The following PDE4B variants were observed in gnomAD, a reference collection of about 807,000 sequenced individuals.
The protein encoded by PDE4B is 3',5'-cyclic-AMP phosphodiesterase 4B.
Under a neutral mutation model 82.2 loss-of-function variants are expected in PDE4B, and 20 were observed. The ratio of observed to expected loss-of-function variants is 0.24; its 90% CI spans 0.17 to 0.35. PDE4B has a LOEUF of 0.35. Among genes scored for constraint, PDE4B ranks in the 10% least tolerant of loss-of-function variants. PDE4B has a pLI of 1.00. For synonymous variants in PDE4B, 320 were observed against 318.9 expected (o/e 1.00, Z -0.04); for missense variants, 655 against 907.2 (o/e 0.72, Z 3.57).
intron 7 of PDE4B, among the ~76,000 whole-genome samples, chr1:66,311,616 C>T (rs1658676755): frequency 6.6e-6 from 1 of 152,230 alleles, no homozygotes; most frequent in East Asian, 1.9e-4. Context: ...ACTGACCTAC[C>T]TCTCCGAGTG....
At position 66,096,508 on chromosome 1, in the gene PDE4B, T is replaced by TCATACA. The variant is rs59931848; in HGVS notation, c.282-150952_282-150951insCATACA. ...TTAAATGCGGTATAAGTAAAAAAAA[T>TCATACA]TATATATATATATATATATATATAT... On this transcript the variant is annotated intron_variant, in intron 3 of 16. Transcript: ENST00000341517. Among the ~76,000 whole-genome samples, 472 of 107,318 alleles carry TCATACA rather than the reference T, an allele frequency of 4.4e-3. 8 individuals are homozygous for TCATACA. The highest frequency in any genetic ancestry group is 0.015 in the African/African-American group (448 of 29,642). The allele number at this position is 107,318 out of a possible 152,430, so 70.4% of individuals were successfully genotyped here.
chr1:65,822,295 TATTAAG>T (rs1258504968), intron 1 of PDE4B, among the ~76,000 whole-genome samples: 1 of 152,220 alleles, frequency 6.6e-6, no homozygotes, highest in African/African-American at 2.4e-5. Flanking sequence ...CGTGAATGGA[TATTAAG>T]ATTGTTTTCG....
At chr1:65,976,907 A>G (rs1398982436) in intron 3 of PDE4B, among the ~76,000 whole-genome samples, 3 of 152,198 alleles carry the variant, frequency 2.0e-5, no homozygotes, top group Non-Finnish European at 4.4e-5. Context: ...TCTTTATAGC[A>G]GTGTGAGAAT....
At chr1:66,322,893 A>T (rs1294483960) in intron 7 of PDE4B, among the ~76,000 whole-genome samples, 1 of 152,104 alleles carries the variant, frequency 6.6e-6, no homozygotes, top group Non-Finnish European at 1.5e-5. Context: ...CATTTTAGAG[A>T]TGAGGAAATT....
intron 7 of PDE4B, among the ~76,000 whole-genome samples, chr1:66,270,407 C>A (rs1557670442): frequency 6.6e-6 from 1 of 152,138 alleles, no homozygotes; most frequent in Admixed American, 6.5e-5. Context: ...GTGGGTGTAC[C>A]AGATGCAGGG....
At chr1:65,887,411 TCTG>T (rs1557799489) in intron 1 of PDE4B, among the ~76,000 whole-genome samples, 2 of 53,510 alleles carry the variant, frequency 3.7e-5, no homozygotes, top group Non-Finnish European at 6.4e-5. Context: ...TTCTTTTTCT[TCTG>T]TTTTTTTTTT....
chr1:65,837,555 T>A (rs1231297051), intron 1 of PDE4B, among the ~76,000 whole-genome samples: 2 of 152,092 alleles, frequency 1.3e-5, no homozygotes, highest in East Asian at 1.9e-4. Context: ...TTGCCGTGAG[T>A]CTGGATCATG....
chr1:66,181,994 G>A (rs492776), intron 3 of PDE4B, among the ~76,000 whole-genome samples: 1 of 150,974 alleles, frequency 6.6e-6, no homozygotes, highest in African/African-American at 2.5e-5. Flanking sequence ...TATTTTTTTT[G>A]ATTTCAATAT....
In PDE4B at chr1:66,367,805, C is replaced by T; in HGVS notation, c.1494C>T (p.Leu498=). The T allele has an allele frequency of 6.2e-7, 1 of 1,613,894 alleles. No individual in the cohort carries two copies. The highest frequency in any genetic ancestry group is 8.5e-7 in the Non-Finnish European group (1 of 1,179,848). ...QEEHCDIFMN[L]TKKQRQTLRK... The stretch of plus-strand genomic sequence containing the variant: ...AACACTGTGACATCTTCATGAATCT[C>T]ACCAAGAAGCAGCGTCAGACACTCA... Residue 498 remains leucine (L), a synonymous_variant, in exon 14 of 17, where the codon CTC becomes CTT. Coordinates refer to ENST00000341517, the MANE Select transcript of PDE4B (RefSeq NM_002600.4).
At chr1:66,081,830 CTCTG>C (rs1256365049) in intron 3 of PDE4B, among the ~76,000 whole-genome samples, 31 of 112,704 alleles carry the variant, frequency 2.8e-4, no homozygotes, top group African/African-American at 7.7e-4. Flanking sequence ...CTCTCTCTCT[CTCTG>C]TGTGTGTGTG....
At chr1:65,964,776 T>G (rs1190079999) in intron 3 of PDE4B, among the ~76,000 whole-genome samples, 1 of 152,150 alleles carries the variant, frequency 6.6e-6, no homozygotes, top group African/African-American at 2.4e-5. Context: ...CAGAATATAT[T>G]GCTAAGTGGT....
At chr1:66,148,509 G>A (rs11590970) in intron 3 of PDE4B, among the ~76,000 whole-genome samples, 1,690 of 152,096 alleles carry the variant, frequency 0.011, 13 homozygotes, top group Non-Finnish European at 0.017. Context: ...AATTTGCAAA[G>A]CATAAAATTT....
At chr1:66,151,637 G>A (rs1415745355) in intron 3 of PDE4B, among the ~76,000 whole-genome samples, 1 of 152,130 alleles carries the variant, frequency 6.6e-6, no homozygotes, top group Non-Finnish European at 1.5e-5. Context: ...CCTATCTGTG[G>A]TTTAAAACTC....
chr1:65,852,996 T>C (rs1456978605), intron 1 of PDE4B, among the ~76,000 whole-genome samples: 1 of 152,080 alleles, frequency 6.6e-6, no homozygotes, highest in Non-Finnish European at 1.5e-5. Flanking sequence ...TATCCAATTA[T>C]AATTTTACAT....
At chr1:66,071,635 C>T in intron 3 of PDE4B, among the ~76,000 whole-genome samples, 1 of 152,028 alleles carries the variant, frequency 6.6e-6, no homozygotes, top group East Asian at 1.9e-4. Flanking sequence ...CCCCTCCTGG[C>T]TGTCACCTCT....
chr1:66,268,839 C>T (rs1655255138), intron 7 of PDE4B, among the ~76,000 whole-genome samples: 1 of 151,816 alleles, frequency 6.6e-6, no homozygotes, highest in Non-Finnish European at 1.5e-5. Flanking sequence ...ATAATTGCTC[C>T]TTTTTTGTGC....
intron 7 of PDE4B, among the ~76,000 whole-genome samples, chr1:66,331,453 C>T (rs1013118157): frequency 2.6e-5 from 4 of 152,128 alleles, no homozygotes; most frequent in Admixed American, 2.0e-4. Context: ...TTTCTTAAGC[C>T]AGTAACCTGA....
At chr1:65,851,025 C>G (rs528228942) in intron 1 of PDE4B, among the ~76,000 whole-genome samples, 16 of 152,196 alleles carry the variant, frequency 1.1e-4, no homozygotes, top group African/African-American at 2.9e-4. Context: ...TGAGTCCTCC[C>G]CTTACCCCAA....
intron 3 of PDE4B, among the ~76,000 whole-genome samples, chr1:66,160,274 T>C (rs1646584321): frequency 6.6e-6 from 1 of 152,222 alleles, no homozygotes; most frequent in African/African-American, 2.4e-5. Context: ...TCTGTCTTCT[T>C]TGAGGTTGGC....
Sources: gnomAD v4.1 joint callset for allele counts (sites outside exome capture counted in the v4.1 genomes callset) on GRCh38, gnomAD v4.1.1 for gene constraint, MANE v1.5 for transcripts, NCBI Gene and HGNC (gene_info 2026-07-23, HGNC 2026-07-21) for gene names.